PCDH15: variants seen among roughly 807,000 people sequenced by gnomAD.
The protein encoded by PCDH15 is protocadherin-15.
In PCDH15, 129 loss-of-function variants were observed where a neutral mutation model predicts 178.5. The observed-to-expected ratio is 0.72, with a 90% CI of 0.63 to 0.84. The LOEUF (loss-of-function observed/expected upper bound fraction) is 0.84, where lower values mean the gene tolerates loss of function less well. Ranked by LOEUF, PCDH15 falls within the 40% of genes least tolerant of loss-of-function variation. The pLI is 0.00. For missense variants in PCDH15, 2,230 were observed against 2,099.9 expected (o/e 1.06, Z -1.21); for synonymous variants, 800 against 732.0 (o/e 1.09, Z -1.50).
intron 1 of PCDH15, among the ~76,000 whole-genome samples, chr10:54,748,056 C>G (rs964750319): frequency 6.6e-5 from 10 of 152,020 alleles, no homozygotes; most frequent in South Asian, 2.1e-4. Flanking sequence ...CCACCCGCCC[C>G]CGCCTCCCAA....
chr10:54,609,534 C>G (rs79010200), intron 2 of PCDH15, among the ~76,000 whole-genome samples: 1,921 of 152,074 alleles, frequency 0.013, 43 homozygotes, highest in African/African-American at 0.044. Flanking sequence ...ATCTATGGTG[C>G]TTCAATGAAG....
At chr10:55,543,320 G>A (rs1375639218) in intron 2 of PCDH15, among the ~76,000 whole-genome samples, 6 of 149,148 alleles carry the variant, frequency 4.0e-5, no homozygotes, top group Admixed American at 1.3e-4. Context: ...AGCTACAAAT[G>A]TTCCCACTTT....
At chr10:55,272,588 G>A (rs940478820) in intron 1 of PCDH15, among the ~76,000 whole-genome samples, 5 of 151,550 alleles carry the variant, frequency 3.3e-5, no homozygotes, top group African/African-American at 9.7e-5. Context: ...TTACCATACC[G>A]GCCAGGCTGG....
At position 55,446,572 on chromosome 10, in the gene PCDH15, T is replaced by C. The variant is rs1284438179; in HGVS notation, c.-156+181053A>G. Among the ~76,000 whole-genome samples the C allele has an allele frequency of 2.0e-5, 3 of 152,056 alleles. No homozygotes were observed. The South Asian group carries it at 6.2e-4, about 31-fold the overall frequency. On this transcript the variant is annotated intron_variant, in intron 2 of 5. Transcript: ENST00000613346. ...AAAAAGAGTTCTAGCATGTGGTGGATTGCATTATTGGTCTCAATTGTTGAG... is the reference window on the plus strand; with the variant it reads ...AAAAAGAGTTCTAGCATGTGGTGGACTGCATTATTGGTCTCAATTGTTGAG...
At chr10:54,829,871 G>T (rs920634715) in intron 3 of PCDH15, among the ~76,000 whole-genome samples, 14 of 152,022 alleles carry the variant, frequency 9.2e-5, no homozygotes, top group Non-Finnish European at 1.9e-4. Context: ...CTTTTTTGTT[G>T]TTATGCACTA....
intron 3 of PCDH15, among the ~76,000 whole-genome samples, chr10:54,883,819 C>T (rs1242967235): frequency 1.3e-5 from 2 of 151,832 alleles, no homozygotes; most frequent in African/African-American, 4.8e-5. Flanking sequence ...AATTGATTGC[C>T]AGTTTTTCAT....
chr10:54,249,873 A>C (rs372692323), intron 8 of PCDH15, among the ~76,000 whole-genome samples: 16 of 152,154 alleles, frequency 1.1e-4, no homozygotes, highest in Admixed American at 9.2e-4. Context: ...CAGAAATAAA[A>C]CTAGATTGAA....
intron 1 of PCDH15, among the ~76,000 whole-genome samples, chr10:54,739,471 T>A (rs1944508857): frequency 6.6e-6 from 1 of 151,534 alleles, no homozygotes; most frequent in Non-Finnish European, 1.5e-5. Flanking sequence ...ATTGGAAGAA[T>A]TAACACAGTT....
chr10:54,140,565 T>C (rs541670962), intron 14 of PCDH15, among the ~76,000 whole-genome samples: 46 of 151,880 alleles, frequency 3.0e-4, no homozygotes, highest in African/African-American at 1.0e-3. Context: ...GCCTCCCGGG[T>C]TCAAGTGATT....
chr10:53,968,804 G>A (rs921427604), intron 21 of PCDH15, among the ~76,000 whole-genome samples: 1 of 152,124 alleles, frequency 6.6e-6, no homozygotes, highest in South Asian at 2.1e-4. Flanking sequence ...CTGTTAGAAC[G>A]AAAACTAACA....
chr10:55,103,070 G>A (rs1842607489), intron 2 of PCDH15, among the ~76,000 whole-genome samples: 1 of 150,500 alleles, frequency 6.6e-6, no homozygotes, highest in South Asian at 2.1e-4. Context: ...CACACTCAGT[G>A]TAACTTCATA....
chr10:55,249,271 C>T (rs1168378708), intron 1 of PCDH15, among the ~76,000 whole-genome samples: 1 of 152,098 alleles, frequency 6.6e-6, no homozygotes, highest in African/African-American at 2.4e-5. Flanking sequence ...AGATAAAGGA[C>T]TTACATATTT....
intron 2 of PCDH15, among the ~76,000 whole-genome samples, chr10:54,988,770 C>A (rs1295151553): frequency 1.3e-5 from 2 of 152,122 alleles, no homozygotes; most frequent in African/African-American, 4.8e-5. Context: ...TGCAGCCTGA[C>A]AATGTGATAG....
chr10:55,387,354 G>A (rs1485055558), intron 2 of PCDH15, among the ~76,000 whole-genome samples: 1 of 151,984 alleles, frequency 6.6e-6, no homozygotes, highest in Non-Finnish European at 1.5e-5. Context: ...CACCAGCTTC[G>A]ATCAAACCAT....
Position 55,385,934 on chromosome 10 carries a change from T to G in PCDH15, c.-155-219283A>C, listed in dbSNP as rs572762581. 2.0e-5 allele frequency among the ~76,000 whole-genome samples: 3 copies of G among 151,682 alleles called. No homozygotes were observed. The East Asian group carries it at 5.8e-4, about 29-fold the overall frequency. On this transcript the variant is annotated intron_variant, in intron 2 of 5. Coordinates refer to the PCDH15 transcript ENST00000613346. The stretch of plus-strand genomic sequence containing the variant: ...ACAAACACATATTTATAAATAGCAT[T>G]GTTCTCAGACTGTCAAAATAAAATT...
rs118174614 is a variant in PCDH15, at chr10:55,197,249, G to A, written c.-155-30598C>T. Reference sequence around the variant, plus strand: ...TTGATTATGTAAATAAATTGAAAACGTTTCCTTACAAATTAAAAGAGAAAA... The same window carrying A: ...TTGATTATGTAAATAAATTGAAAACATTTCCTTACAAATTAAAAGAGAAAA... On this transcript the variant is annotated intron_variant, in intron 1 of 5. Transcript: ENST00000458638. Among the ~76,000 whole-genome samples the A allele has an allele frequency of 5.3e-3, 799 of 151,930 alleles. 8 individuals are homozygous for A. Among genetic ancestry groups the A allele is most frequent in the Non-Finnish European group, 6.8e-3 (465 of 67,912 alleles).
At chr10:55,198,615 T>G (rs1323277230) in intron 1 of PCDH15, among the ~76,000 whole-genome samples, 1 of 151,804 alleles carries the variant, frequency 6.6e-6, no homozygotes, top group Admixed American at 6.6e-5. Flanking sequence ...GCCTCCCGAA[T>G]AGCTGGGACT....
chr10:54,032,329 C>T (rs898604541), intron 18 of PCDH15, among the ~76,000 whole-genome samples: 4 of 151,806 alleles, frequency 2.6e-5, no homozygotes, highest in Non-Finnish European at 4.4e-5. Flanking sequence ...ACCACATGCC[C>T]TATTGCTTTT....
At chr10:55,311,787 C>T (rs2132289436) in intron 1 of PCDH15, among the ~76,000 whole-genome samples, 1 of 152,314 alleles carries the variant, frequency 6.6e-6, no homozygotes. Flanking sequence ...TTACAGGTAA[C>T]TCACTGTACA....
Sources: gnomAD v4.1 joint callset for allele counts (sites outside exome capture counted in the v4.1 genomes callset) on GRCh38, gnomAD v4.1.1 for gene constraint, MANE v1.5 for transcripts, NCBI Gene and HGNC (gene_info 2026-07-23, HGNC 2026-07-21) for gene names.